The following SEMA3A variants were observed in gnomAD, a reference collection of about 807,000 sequenced individuals.
SEMA3A encodes semaphorin-3A.
Under a neutral mutation model 97.9 loss-of-function variants are expected in SEMA3A, and 29 were observed. The observed-to-expected ratio is 0.30, with a 90% confidence interval of 0.22 to 0.40. The LOEUF is 0.40. Among genes scored for constraint, SEMA3A ranks in the 10% least tolerant of loss-of-function variants. SEMA3A has a pLI of 1.00. For missense variants in SEMA3A, 763 were observed against 951.3 expected (o/e 0.80, Z 2.60); for synonymous variants, 321 against 323.7 (o/e 0.99, Z 0.09).
intron 3 of SEMA3A, among the ~76,000 whole-genome samples, chr7:84,117,120 A>G (rs1247030185): frequency 1.3e-5 from 2 of 152,114 alleles, no homozygotes; most frequent in South Asian, 4.1e-4. Context: ...CTATTTCTTC[A>G]AATATCGTCC....
intron 1 of SEMA3A, among the ~76,000 whole-genome samples, chr7:84,385,094 CACAA>C (rs970113085): frequency 1.1e-4 from 15 of 142,800 alleles, no homozygotes; most frequent in African/African-American, 3.2e-4. Flanking sequence ...CACACACACA[CACAA>C]ACACTCAATT....
At chr7:84,139,076 C>T (rs556652013) in intron 1 of SEMA3A, among the ~76,000 whole-genome samples, 3 of 152,112 alleles carry the variant, frequency 2.0e-5, no homozygotes, top group South Asian at 2.1e-4. Flanking sequence ...GTCTTTCTTT[C>T]GTTTCAGTTA....
intron 1 of SEMA3A, among the ~76,000 whole-genome samples, chr7:84,428,141 T>A (rs1388997066): frequency 6.6e-6 from 1 of 152,144 alleles, no homozygotes. Flanking sequence ...AGAACTTTCA[T>A]TACAATATCA....
At chr7:83,993,232 C>T (rs1042731918) in intron 12 of SEMA3A, among the ~76,000 whole-genome samples, 14 of 75,256 alleles carry the variant, frequency 1.9e-4, no homozygotes, top group East Asian at 5.0e-4. Context: ...AGATGGGTGT[C>T]CTGAATACAG....
At chr7:84,313,556 A>G (rs1285056917) in intron 2 of SEMA3A, among the ~76,000 whole-genome samples, 1 of 150,968 alleles carries the variant, frequency 6.6e-6, no homozygotes, top group Non-Finnish European at 1.5e-5. Flanking sequence ...TCTTTGAAAT[A>G]TTATGTATGA....
At chr7:84,294,788 G>A (rs1800829327) in intron 3 of SEMA3A, among the ~76,000 whole-genome samples, 1 of 151,972 alleles carries the variant, frequency 6.6e-6, no homozygotes, top group Non-Finnish European at 1.5e-5. Flanking sequence ...GCGAGTGAAG[G>A]AATCACATCT....
intron 1 of SEMA3A, among the ~76,000 whole-genome samples, chr7:84,176,410 A>T (rs531326483): frequency 1.3e-5 from 2 of 152,280 alleles, no homozygotes; most frequent in South Asian, 4.1e-4. Flanking sequence ...TATTTAATGG[A>T]AAACATACCA....
At chr7:84,427,397 C>T (rs1335547799) in intron 1 of SEMA3A, among the ~76,000 whole-genome samples, 1 of 151,678 alleles carries the variant, frequency 6.6e-6, no homozygotes. Flanking sequence ...TGATGTAATC[C>T]CAGCACTTTG....
intron 1 of SEMA3A, among the ~76,000 whole-genome samples, chr7:84,491,206 A>ACATTGGC (rs914490055): frequency 3.9e-5 from 6 of 152,074 alleles, no homozygotes; most frequent in East Asian, 3.9e-4. Flanking sequence ...TAAAAACAAA[A>ACATTGGC]CATTGGCCGA....
At chr7:84,206,615 T>A (rs187120864) in intron 3 of SEMA3A, among the ~76,000 whole-genome samples, 19 of 152,088 alleles carry the variant, frequency 1.2e-4, no homozygotes, top group Admixed American at 1.1e-3. Flanking sequence ...AGCCACCGCG[T>A]CCGGCCTTCC....
chr7:84,042,287 G>C lies in SEMA3A; in HGVS notation c.667+4037C>G, dbSNP rs540365247. On this transcript the variant is annotated intron_variant, in intron 6 of 16. Transcript: ENST00000265362. ...TTTCAATTACAGAAAAAGAGCAAGT[G>C]AGTTAGTCTATCTACAGGCACGATC... Among the ~76,000 whole-genome samples the C allele has an allele frequency of 2.7e-4, 41 of 152,178 alleles. No homozygotes were observed. The South Asian group carries it at 8.3e-3, about 31-fold the overall frequency.
intron 5 of SEMA3A, among the ~76,000 whole-genome samples, chr7:84,053,018 C>T (rs886089856): frequency 7.4e-5 from 11 of 148,934 alleles, no homozygotes; most frequent in African/African-American, 1.5e-4. Flanking sequence ...TGTAGTTGAG[C>T]GGTTTTGAGT....
At chr7:84,361,145 A>G (rs1296732416) in intron 2 of SEMA3A, among the ~76,000 whole-genome samples, 3 of 152,084 alleles carry the variant, frequency 2.0e-5, no homozygotes, top group Admixed American at 6.6e-5. Flanking sequence ...TGACTTTGGG[A>G]AAAATAAGCT....
chr7:84,226,373 C>T (rs1447322483), intron 3 of SEMA3A, among the ~76,000 whole-genome samples: 1 of 151,946 alleles, frequency 6.6e-6, no homozygotes, highest in Admixed American at 6.6e-5. Context: ...ACTAAAAAAA[C>T]AGAGGCTTAG....
intron 3 of SEMA3A, among the ~76,000 whole-genome samples, chr7:84,228,144 T>A (rs1314449311): frequency 6.6e-6 from 1 of 151,638 alleles, no homozygotes; most frequent in Non-Finnish European, 1.5e-5. Context: ...GAAGCCAGAG[T>A]ACAATGAGCT....
chr7:84,444,360 A>C (rs1805351679), intron 1 of SEMA3A, among the ~76,000 whole-genome samples: 1 of 152,128 alleles, frequency 6.6e-6, no homozygotes, highest in African/African-American at 2.4e-5. Flanking sequence ...ATTGAGTGAA[A>C]AGTGCTCAAC....
At chr7:84,478,849 G>T (rs1806370034) in intron 1 of SEMA3A, among the ~76,000 whole-genome samples, 1 of 151,834 alleles carries the variant, frequency 6.6e-6, no homozygotes, top group African/African-American at 2.4e-5. Flanking sequence ...TTTAGCAATA[G>T]CTATAGAAAA....
chr7:84,088,516 A>G (rs1012903797), intron 4 of SEMA3A, among the ~76,000 whole-genome samples: 35 of 152,252 alleles, frequency 2.3e-4, no homozygotes, highest in African/African-American at 7.2e-4. Context: ...GTAAATTCTA[A>G]AAGTTACTTA....
chr7:84,305,642 A>C (rs1329936092), intron 3 of SEMA3A, among the ~76,000 whole-genome samples: 4 of 152,032 alleles, frequency 2.6e-5, no homozygotes, highest in Non-Finnish European at 5.9e-5. Context: ...TGACAGTGAC[A>C]CCAGCTCTAT....
Sources: allele counts gnomAD v4.1 joint callset (sites outside exome capture counted in the v4.1 genomes callset), GRCh38; gene constraint gnomAD v4.1.1; transcripts MANE v1.5; gene names NCBI Gene and HGNC (gene_info 2026-07-23, HGNC 2026-07-21).